The following ADAMTS17 variants were observed in gnomAD, a reference collection of about 807,000 sequenced individuals.
ADAMTS17 encodes ADAM metallopeptidase with thrombospondin type 1 motif 17, also known as A disintegrin and metalloproteinase with thrombospondin motifs 17.
A neutral mutation model predicts 141.5 loss-of-function variants in ADAMTS17; 113 were observed. That is an observed-to-expected ratio of 0.80 (90% CI 0.69 to 0.93). The LOEUF (loss-of-function observed/expected upper bound fraction) is 0.93. ADAMTS17 is among the 40% of genes least tolerant of loss of function. The probability of loss-of-function intolerance (pLI) is 0.00; values close to 1 mark genes in which losing one functional copy is unlikely to be tolerated. For synonymous variants in ADAMTS17, 768 were observed against 630.6 expected, an observed-to-expected ratio of 1.22 and a Z score of -3.27; for missense variants, 1,659 against 1,517.9, an observed-to-expected ratio of 1.09 and a Z score of -1.54.
At chr15:100,043,508 C>T (rs772881298) in intron 18 of ADAMTS17, among the ~76,000 whole-genome samples, 8 of 152,142 alleles carry the variant, frequency 5.3e-5, no homozygotes, top group African/African-American at 7.2e-5. Flanking sequence ...ATGCTGAGAG[C>T]GTGGTGCCAA....
chr15:100,141,719 G>T (rs1178915941), intron 10 of ADAMTS17, among the ~76,000 whole-genome samples: 2 of 152,228 alleles, frequency 1.3e-5, no homozygotes, highest in African/African-American at 4.8e-5. Flanking sequence ...GCAGGGACAA[G>T]AAAGACAACT....
At chr15:100,074,046 C>G (rs2034188008) in intron 15 of ADAMTS17, 1 of 152,482 alleles carries the variant, frequency 6.6e-6, no homozygotes. Context: ...ATAATATCTA[C>G]CACAGTAATA....
chr15:99,993,634 C>T lies in ADAMTS17; in HGVS notation c.2797-434G>A, dbSNP rs1596177458. Reference sequence around the variant, plus strand: ...GCCCCAGATCTTTCCAGCTGGCCTCCAGGTGCACATGCTGTGCTTGGACCA... The same window carrying T: ...GCCCCAGATCTTTCCAGCTGGCCTCTAGGTGCACATGCTGTGCTTGGACCA... On this transcript the variant is annotated intron_variant, in intron 19 of 21. Transcript: ENST00000268070. This position sits in a 1 kb window ranked among gnomAD's most constrained non-coding sequence, Gnocchi z 4.3. Among the ~76,000 whole-genome samples the T allele has an allele frequency of 1.3e-5, 2 of 152,228 alleles. No individual in the cohort carries two copies. Among genetic ancestry groups the T allele is most frequent in the South Asian group, 4.1e-4 (2 of 4,832 alleles).
chr15:100,106,278 G>T (rs569171301), intron 14 of ADAMTS17, among the ~76,000 whole-genome samples: 1 of 152,194 alleles, frequency 6.6e-6, no homozygotes, highest in Non-Finnish European at 1.5e-5. Context: ...CCAGCCTCCA[G>T]AACGTTGAGA....
intron 3 of ADAMTS17, among the ~76,000 whole-genome samples, chr15:100,303,120 T>G (rs1256638367): frequency 6.8e-6 from 1 of 146,374 alleles, no homozygotes; most frequent in African/African-American, 2.5e-5. Context: ...ATAATATATA[T>G]TATAAATATA....
intron 15 of ADAMTS17, among the ~76,000 whole-genome samples, chr15:100,093,160 C>T (rs1349636362): frequency 6.6e-6 from 1 of 152,128 alleles, no homozygotes; most frequent in Non-Finnish European, 1.5e-5. Context: ...AAACGCCCTA[C>T]ACTCAGGATG....
intron 3 of ADAMTS17, among the ~76,000 whole-genome samples, chr15:100,291,799 T>C (rs527967769): frequency 2.6e-5 from 4 of 152,170 alleles, no homozygotes; most frequent in Non-Finnish European, 5.9e-5. Flanking sequence ...TCAGTACACA[T>C]GGCCACAAAG....
At chr15:100,194,125 T>C (rs1043757333) in intron 8 of ADAMTS17, among the ~76,000 whole-genome samples, 2 of 152,234 alleles carry the variant, frequency 1.3e-5, no homozygotes, top group Admixed American at 6.5e-5. Context: ...GGGTGGCGGA[T>C]AGTTCACAAA....
chr15:100,233,864 C>T lies in ADAMTS17; in HGVS notation c.1075+20272G>A, dbSNP rs555042972. On this transcript the variant is annotated intron_variant, in intron 7 of 21. Transcript: ENST00000268070. ...AGGAGGCTGAGGCAGAGGTGGCTTCCCGGGAGTGAGCACCAGGAAGAGAGG... is the reference window on the plus strand; with the variant it reads ...AGGAGGCTGAGGCAGAGGTGGCTTCTCGGGAGTGAGCACCAGGAAGAGAGG... Among the ~76,000 whole-genome samples, 14 of 152,038 alleles carry T rather than the reference C, an allele frequency of 9.2e-5. No individual in the cohort carries two copies. The South Asian group carries it at 2.9e-3, about 32-fold the overall frequency.
At chr15:100,101,334 T>A (rs1223642450) in intron 14 of ADAMTS17, among the ~76,000 whole-genome samples, 1 of 152,242 alleles carries the variant, frequency 6.6e-6, no homozygotes, top group Non-Finnish European at 1.5e-5. Flanking sequence ...ATGGCCTGTC[T>A]GTATGTTGGA....
At chr15:100,224,975 C>T (rs2042250151) in intron 7 of ADAMTS17, among the ~76,000 whole-genome samples, 1 of 152,220 alleles carries the variant, frequency 6.6e-6, no homozygotes, top group Non-Finnish European at 1.5e-5. Flanking sequence ...GTAATGAGCC[C>T]CTGGATGTGT....
At chr15:100,338,898 C>T in intron 2 of ADAMTS17, 1 of 974,122 alleles carries the variant, frequency 1.0e-6, no homozygotes, top group Non-Finnish European at 1.2e-6. Context: ...GCCCAAATTC[C>T]TGTTGCTTTC....
chr15:100,161,072 G>C (rs2039671142), intron 8 of ADAMTS17, among the ~76,000 whole-genome samples: 1 of 152,118 alleles, frequency 6.6e-6, no homozygotes, highest in African/African-American at 2.4e-5. Context: ...GGCACAGATG[G>C]GCCTTGTGTC....
chr15:100,147,730 C>G (rs535397313), intron 10 of ADAMTS17, among the ~76,000 whole-genome samples: 1 of 152,122 alleles, frequency 6.6e-6, no homozygotes, highest in Admixed American at 6.5e-5. Flanking sequence ...GAATGTCATA[C>G]CTTTTACTTT....
At chr15:100,088,327 T>G (rs906417077) in intron 15 of ADAMTS17, among the ~76,000 whole-genome samples, 3 of 152,006 alleles carry the variant, frequency 2.0e-5, no homozygotes, top group Admixed American at 6.6e-5. Context: ...CACTGCTCAA[T>G]GAAATAAAAG....
chr15:100,212,709 A>C (rs2041846984), intron 7 of ADAMTS17, among the ~76,000 whole-genome samples: 1 of 152,172 alleles, frequency 6.6e-6, no homozygotes, highest in Non-Finnish European at 1.5e-5. Context: ...ATAACCAAAA[A>C]TGCTTTGTAG....
intron 3 of ADAMTS17, among the ~76,000 whole-genome samples, chr15:100,299,334 G>C (rs564802621): frequency 1.6e-3 from 248 of 151,582 alleles, no homozygotes; most frequent in Non-Finnish European, 2.7e-3. Flanking sequence ...CGGGGGACTC[G>C]CAGGCAGGAC....
At chr15:99,996,481 T>C (rs2060804829) in intron 19 of ADAMTS17, among the ~76,000 whole-genome samples, 1 of 152,106 alleles carries the variant, frequency 6.6e-6, no homozygotes, top group Non-Finnish European at 1.5e-5. Flanking sequence ...AATCTCAAAC[T>C]CTCTTTTCCT....
intron 8 of ADAMTS17, among the ~76,000 whole-genome samples, chr15:100,181,149 G>A (rs960543332): frequency 6.6e-6 from 1 of 152,046 alleles, no homozygotes; most frequent in Non-Finnish European, 1.5e-5. Flanking sequence ...TTCACTTAAG[G>A]CTCAAGCACT....
Sources: gnomAD v4.1 joint callset for allele counts (sites outside exome capture counted in the v4.1 genomes callset) on GRCh38, gnomAD v4.1.1 for gene constraint, Gnocchi (gnomAD v3.1) non-coding constraint, MANE v1.5 for transcripts, NCBI Gene and HGNC (gene_info 2026-07-23, HGNC 2026-07-21) for gene names.